The following SUPT3H variants were observed in gnomAD, a reference collection of about 807,000 sequenced individuals.
The protein encoded by SUPT3H is SPT3 homolog, SAGA and STAGA complex component.
Under a neutral mutation model 44.3 loss-of-function variants are expected in SUPT3H, and 44 were observed. The ratio of observed to expected loss-of-function variants is 0.99; its 90% CI spans 0.78 to 1.28. The LOEUF (loss-of-function observed/expected upper bound fraction) is 1.28. SUPT3H is among the 50% of genes most tolerant of loss of function. The probability of loss-of-function intolerance (pLI) is 0.00; values close to 1 mark genes in which losing one functional copy is unlikely to be tolerated. For missense variants in SUPT3H, 380 were observed against 387.1 expected (o/e 0.98, Z 0.15); for synonymous variants, 124 against 125.6 (o/e 0.99, Z 0.09).
At chr6:45,105,784 TTATA>T in intron 3 of SUPT3H, 134 bp downstream of exon 3, 1 of 554,438 alleles carries the variant, frequency 1.8e-6, no homozygotes, top group Non-Finnish European at 3.0e-6. Context: ...GTAAATTTTG[TTATA>T]TATAAAGTAT....
chr6:45,144,658 A>C (rs761340295), intron 2 of SUPT3H, among the ~76,000 whole-genome samples: 2 of 152,152 alleles, frequency 1.3e-5, no homozygotes, highest in Non-Finnish European at 2.9e-5. Context: ...AGCCAGAGCA[A>C]TCAGACAAAA....
intron 2 of SUPT3H, among the ~76,000 whole-genome samples, chr6:45,305,000 A>G (rs143776629): frequency 1.2e-3 from 177 of 152,346 alleles, no homozygotes; most frequent in African/African-American, 4.0e-3. Flanking sequence ...TAATGTATCC[A>G]ATAGGAATCA....
At chr6:45,130,712 CTTTTTTTT>C (rs1194423160) in intron 2 of SUPT3H, among the ~76,000 whole-genome samples, 1 of 88,602 alleles carries the variant, frequency 1.1e-5, no homozygotes. Flanking sequence ...AAAAAAACCA[CTTTTTTTT>C]TTTTTTTTTT....
At chr6:45,033,319 A>G (rs924993625) in intron 3 of SUPT3H, among the ~76,000 whole-genome samples, 4 of 151,868 alleles carry the variant, frequency 2.6e-5, no homozygotes, top group African/African-American at 9.7e-5. Flanking sequence ...AAGCATGGAG[A>G]TTTAAAAAAT....
At chr6:45,339,211 A>C (rs977462771) in intron 2 of SUPT3H, among the ~76,000 whole-genome samples, 1 of 152,146 alleles carries the variant, frequency 6.6e-6, no homozygotes, top group Non-Finnish European at 1.5e-5. Context: ...TCACTAGCCT[A>C]TACAAGACTT....
chr6:44,979,723 T>G (rs1348006188), intron 6 of SUPT3H, among the ~76,000 whole-genome samples: 2 of 152,084 alleles, frequency 1.3e-5, no homozygotes, highest in Admixed American at 1.3e-4. Flanking sequence ...AAAAAGTTCG[T>G]TTTACATCTT....
At chr6:45,047,930 T>C (rs1789659573) in intron 3 of SUPT3H, among the ~76,000 whole-genome samples, 1 of 152,136 alleles carries the variant, frequency 6.6e-6, no homozygotes. Flanking sequence ...TGCCCATTTT[T>C]TTTTTTACAC....
intron 2 of SUPT3H, among the ~76,000 whole-genome samples, chr6:45,264,662 G>C (rs1437240602): frequency 6.6e-6 from 1 of 152,066 alleles, no homozygotes; most frequent in African/African-American, 2.4e-5. Context: ...TTGTGAGGCA[G>C]GATAAAATAA....
intron 2 of SUPT3H, among the ~76,000 whole-genome samples, chr6:45,331,110 T>A (rs1787394391): frequency 6.7e-6 from 1 of 149,078 alleles, no homozygotes; most frequent in African/African-American, 2.6e-5. Flanking sequence ...GAGTGGTGTG[T>A]GTGTGTGTGT....
chr6:44,851,627 A>G (rs1484788644), intron 10 of SUPT3H, among the ~76,000 whole-genome samples: 1 of 152,208 alleles, frequency 6.6e-6, no homozygotes, highest in African/African-American at 2.4e-5. Flanking sequence ...TTGAATTTCC[A>G]TACCAATGGA....
intron 1 of SUPT3H, among the ~76,000 whole-genome samples, chr6:45,371,134 G>A (rs911463643): frequency 1.3e-5 from 2 of 152,072 alleles, no homozygotes; most frequent in African/African-American, 4.8e-5. Context: ...ACAGTAAGAG[G>A]TAAGTGTATT....
At chr6:44,816,378 G>A (rs1262120895) in intron 11 of SUPT3H, among the ~76,000 whole-genome samples, 1 of 151,664 alleles carries the variant, frequency 6.6e-6, no homozygotes, top group Non-Finnish European at 1.5e-5. Flanking sequence ...CTTAGATAAG[G>A]GACAAATAAG....
chr6:45,183,230 G>T (rs951171262), intron 2 of SUPT3H, among the ~76,000 whole-genome samples: 2 of 152,158 alleles, frequency 1.3e-5, no homozygotes, highest in African/African-American at 4.8e-5. Flanking sequence ...GACAAATATT[G>T]TATGACTTCA....
intron 2 of SUPT3H, among the ~76,000 whole-genome samples, chr6:45,166,031 G>A (rs534181854): frequency 1.7e-4 from 26 of 152,250 alleles, no homozygotes; most frequent in African/African-American, 5.1e-4. Context: ...AGTGGCTCAC[G>A]CCTGCAATCC....
chr6:44,896,089 G>A (rs1048019167), intron 10 of SUPT3H, among the ~76,000 whole-genome samples: 1 of 151,982 alleles, frequency 6.6e-6, no homozygotes, highest in Non-Finnish European at 1.5e-5. Flanking sequence ...TATAAAAAAC[G>A]CTGGGAGAGT....
intron 6 of SUPT3H, among the ~76,000 whole-genome samples, chr6:44,976,950 T>C (rs1778422449): frequency 6.6e-6 from 1 of 152,228 alleles, no homozygotes; most frequent in Admixed American, 6.5e-5. Flanking sequence ...AAATGGTTTC[T>C]GTTAAGATAT....
intron 7 of SUPT3H, among the ~76,000 whole-genome samples, chr6:44,958,656 C>A (rs985034670): frequency 1.3e-5 from 2 of 152,070 alleles, no homozygotes; most frequent in Admixed American, 6.5e-5. Flanking sequence ...AGACTGACAG[C>A]AAACTTCTAC....
At chr6:44,976,244 A>G (rs977654915) in intron 6 of SUPT3H, among the ~76,000 whole-genome samples, 6 of 152,212 alleles carry the variant, frequency 3.9e-5, no homozygotes, top group Admixed American at 6.5e-5. Flanking sequence ...AAGTATGACT[A>G]TCACGAAGAT....
chr6:44,822,623 A>G (rs1157919688), downstream of SUPT3H, among the ~76,000 whole-genome samples: 1 of 152,186 alleles, frequency 6.6e-6, no homozygotes, highest in Non-Finnish European at 1.5e-5. Context: ...GACTGATGGC[A>G]CAGTGACCTA....
Sources: allele counts gnomAD v4.1 joint callset (sites outside exome capture counted in the v4.1 genomes callset), GRCh38; gene constraint gnomAD v4.1.1; transcripts MANE v1.5; gene names NCBI Gene and HGNC (gene_info 2026-07-23, HGNC 2026-07-21).